The following KCNQ1OT1 variants were observed in gnomAD, a reference collection of about 807,000 sequenced individuals.
KCNQ1OT1 encodes KCNQ1 opposite strand/antisense transcript 1.
rs1849867369 is a variant in KCNQ1OT1 at position 2,657,329 on chromosome 11, T to C, written n.42666A>G. On this transcript the variant is annotated non_coding_transcript_exon_variant, in exon 1 of 1. Transcript: ENST00000597346. The surrounding 1 kb of genome is among the most constrained non-coding windows in gnomAD (Gnocchi z 4.8). ...AGATAATCTTTTCAGTATTGAGTCT[T>C]CTAGTCATTGGAATGAAGGCATATT... The C allele has an allele frequency of 2.5e-6, 1 of 398,530 alleles. No homozygotes were observed. Among genetic ancestry groups the C allele is most frequent in the Admixed American group, 4.4e-5 (1 of 22,720 alleles). The allele number at this position is 398,530 out of a possible 1,614,324, so 24.7% of individuals were successfully genotyped here. A position where few individuals can be genotyped will look rare whatever the true frequency, so the allele number is the denominator to read the frequency against.
At chr11:2,693,433 G>A (rs761179155) in exon 1 of KCNQ1OT1, 8 of 398,558 alleles carry the variant, frequency 2.0e-5, no homozygotes, top group Non-Finnish European at 3.1e-5. Flanking sequence ...TTTGCCAGGC[G>A]CTGGCCCCCC....
chr11:2,662,696 C>T (rs558746004), exon 1 of KCNQ1OT1: 65 of 402,642 alleles, frequency 1.6e-4, no homozygotes, highest in African/African-American at 1.1e-3. Flanking sequence ...CGGTGACAGC[C>T]GTGCAGCGGG....
exon 1 of KCNQ1OT1, chr11:2,680,852 A>C: frequency 2.5e-6 from 1 of 398,496 alleles, no homozygotes; most frequent in Non-Finnish European, 4.4e-6. Context: ...CTTTTCACTC[A>C]GCACAATTCC....
chr11:2,691,724 G>T lies in KCNQ1OT1; in HGVS notation n.8271C>A. 1 of 398,642 alleles carries T rather than the reference G, an allele frequency of 2.5e-6. No individual in the cohort carries two copies. Among genetic ancestry groups the T allele is most frequent in the South Asian group, 1.3e-4 (1 of 7,848 alleles). 24.7% of individuals were successfully genotyped at this position (398,642 alleles called of 1,614,324 possible). A position where few individuals can be genotyped will look rare whatever the true frequency, so the allele number is the denominator to read the frequency against. On this transcript the variant is annotated non_coding_transcript_exon_variant, in exon 1 of 1. Coordinates refer to ENST00000597346, the Ensembl canonical transcript of KCNQ1OT1. The surrounding 1 kb of genome is among the most constrained non-coding windows in gnomAD (Gnocchi z 6.4). Reference sequence around the variant, plus strand: ...CTGTCCAGGGGAGAGGCAGCCCACAGGGAGCCACACAGGCAGGGGACATTC... The same window carrying T: ...CTGTCCAGGGGAGAGGCAGCCCACATGGAGCCACACAGGCAGGGGACATTC...
chr11:2,627,663 T>G lies in KCNQ1OT1; in HGVS notation n.72332A>C. 1 of 398,628 alleles carries G rather than the reference T, an allele frequency of 2.5e-6. No homozygotes were observed. The highest frequency in any genetic ancestry group is 1.3e-4 in the South Asian group (1 of 7,852). The allele number at this position is 398,628 out of a possible 1,614,324, so 24.7% of individuals were successfully genotyped here. On this transcript the variant is annotated non_coding_transcript_exon_variant, in exon 1 of 1. Coordinates refer to ENST00000597346, the Ensembl canonical transcript of KCNQ1OT1. The surrounding 1 kb of genome is among the most constrained non-coding windows in gnomAD (Gnocchi z 4.9). Reference sequence around the variant, plus strand: ...TTTAAAGGATGAATATTTCATTGTGTGTGTGTATATATGTGTGTGTGTGTG... The same window carrying G: ...TTTAAAGGATGAATATTTCATTGTGGGTGTGTATATATGTGTGTGTGTGTG...
In KCNQ1OT1 at chr11:2,617,216, T is replaced by C. The variant is rs537482207; in HGVS notation, n.82779A>G. 1 of 398,424 alleles carries C rather than the reference T, an allele frequency of 2.5e-6. No individual in the cohort carries two copies. The highest frequency in any genetic ancestry group is 2.1e-5 in the African/African-American group (1 of 48,738). The allele number at this position is 398,424 out of a possible 1,614,324, so 24.7% of individuals were successfully genotyped here. On this transcript the variant is annotated non_coding_transcript_exon_variant, in exon 1 of 1. Transcript: ENST00000597346. The surrounding 1 kb of genome is among the most constrained non-coding windows in gnomAD (Gnocchi z 4.6). ...GCTACTTGGTATCCTTTGACCTACA[T>C]CTTTCCATTTTCTTCCCCCACACCT...
exon 1 of KCNQ1OT1, chr11:2,629,213 T>A (rs376087860): frequency 2.0e-5 from 8 of 398,286 alleles, no homozygotes; most frequent in Non-Finnish European, 3.1e-5. Flanking sequence ...ATTTATTCTA[T>A]TGATCTATGA....
rs1355352696 is a variant in KCNQ1OT1 at position 2,611,593 on chromosome 11, A to G, written n.88402T>C. Reference sequence around the variant, plus strand: ...ATCTTTTTCCATCATTTTACTTTCAACTATGTCTTTGAATCTAGAATGTGA... The same window carrying G: ...ATCTTTTTCCATCATTTTACTTTCAGCTATGTCTTTGAATCTAGAATGTGA... On this transcript the variant is annotated non_coding_transcript_exon_variant, in exon 1 of 1. Coordinates refer to ENST00000597346, the Ensembl canonical transcript of KCNQ1OT1. This position sits in a 1 kb window ranked among gnomAD's most constrained non-coding sequence, Gnocchi z 5.3. The G allele has an allele frequency of 1.8e-5, 7 of 398,230 alleles. No individual in the cohort carries two copies. The East Asian group carries it at 2.1e-4, about 12-fold the overall frequency. The allele number at this position is 398,230 out of a possible 1,614,324, so 24.7% of individuals were successfully genotyped here. A position where few individuals can be genotyped will look rare whatever the true frequency, so the allele number is the denominator to read the frequency against.
chr11:2,665,276 C>T, exon 1 of KCNQ1OT1: 1 of 398,516 alleles, frequency 2.5e-6, no homozygotes, highest in Non-Finnish European at 4.4e-6. Flanking sequence ...GAGCCTGTGT[C>T]TCCCACCCAG....
At chr11:2,689,609 G>A (rs1055388085) in exon 1 of KCNQ1OT1, 2 of 398,568 alleles carry the variant, frequency 5.0e-6, no homozygotes, top group African/African-American at 4.1e-5. Context: ...TCAAGGATCC[G>A]GGTATTTTAG....
rs1023052387 is a variant in KCNQ1OT1 at position 2,679,241 on chromosome 11, C to T, written n.20754G>A. 2 of 398,658 alleles carry T rather than the reference C, an allele frequency of 5.0e-6. No individual in the cohort carries two copies. Among genetic ancestry groups the T allele is most frequent in the Non-Finnish European group, 8.8e-6 (2 of 226,100 alleles). 24.7% of individuals were successfully genotyped at this position (398,658 alleles called of 1,614,324 possible). A position where few individuals can be genotyped will look rare whatever the true frequency, so the allele number is the denominator to read the frequency against. ...AAGCTGGTCCAGAGGACTACAGCTGCCTGTCCCACCCTTGGCTGTGCTCTC... is the reference window on the plus strand; with the variant it reads ...AAGCTGGTCCAGAGGACTACAGCTGTCTGTCCCACCCTTGGCTGTGCTCTC... On this transcript the variant is annotated non_coding_transcript_exon_variant, in exon 1 of 1. Transcript: ENST00000597346. The surrounding 1 kb of genome is among the most constrained non-coding windows in gnomAD (Gnocchi z 4.8).
chr11:2,682,663 C>A lies in KCNQ1OT1; in HGVS notation n.17332G>T, dbSNP rs925264332. On this transcript the variant is annotated non_coding_transcript_exon_variant, in exon 1 of 1. Coordinates refer to ENST00000597346, the Ensembl canonical transcript of KCNQ1OT1. The surrounding 1 kb of genome is among the most constrained non-coding windows in gnomAD (Gnocchi z 5.8). ...CCTGCTTCCCCAGGGCTCATGTCCACATGCTATTGTCCATAGAAGCTGGGG... is the reference window on the plus strand; with the variant it reads ...CCTGCTTCCCCAGGGCTCATGTCCAAATGCTATTGTCCATAGAAGCTGGGG... 1 of 398,660 alleles carries A rather than the reference C, an allele frequency of 2.5e-6. No homozygotes were observed. The highest frequency in any genetic ancestry group is 4.4e-6 in the Non-Finnish European group (1 of 226,096). The allele number at this position is 398,660 out of a possible 1,614,324, so 24.7% of individuals were successfully genotyped here.
rs538595238 is a variant in KCNQ1OT1, at chr11:2,673,982, G to T, written n.26013C>A. The stretch of plus-strand genomic sequence containing the variant: ...CCACAAGGGGATGCCCAGCATTGGG[G>T]GTGGGGTGGGGGGAGGGCCCTCCGT... On this transcript the variant is annotated non_coding_transcript_exon_variant, in exon 1 of 1. Transcript: ENST00000597346. The surrounding 1 kb of genome is among the most constrained non-coding windows in gnomAD (Gnocchi z 4.5). The T allele has an allele frequency of 2.3e-4, 41 of 177,770 alleles. 2 individuals are homozygous for T. In the South Asian group the frequency reaches 5.9e-3, roughly 26 times the overall value. 11.0% of individuals were successfully genotyped at this position (177,770 alleles called of 1,614,324 possible). A position where few individuals can be genotyped will look rare whatever the true frequency, so the allele number is the denominator to read the frequency against.
chr11:2,619,289 G>T (rs973600567), exon 1 of KCNQ1OT1: 1 of 398,308 alleles, frequency 2.5e-6, no homozygotes, highest in African/African-American at 2.1e-5. Context: ...TTCCCTCATT[G>T]ATTATAACGT....
In KCNQ1OT1 at chr11:2,617,210, C is replaced by T. The variant is rs1849081999; in HGVS notation, n.82785G>A. The T allele has an allele frequency of 1.0e-5, 4 of 398,186 alleles. No homozygotes were observed. Among genetic ancestry groups the T allele is most frequent in the African/African-American group, 4.1e-5 (2 of 48,578 alleles). 24.7% of individuals were successfully genotyped at this position (398,186 alleles called of 1,614,324 possible). A position where few individuals can be genotyped will look rare whatever the true frequency, so the allele number is the denominator to read the frequency against. ...ATATCTGCTACTTGGTATCCTTTGA[C>T]CTACATCTTTCCATTTTCTTCCCCC... is the stretch of plus-strand genomic sequence containing the variant. On this transcript the variant is annotated non_coding_transcript_exon_variant, in exon 1 of 1. Coordinates refer to ENST00000597346, the Ensembl canonical transcript of KCNQ1OT1. This position sits in a 1 kb window ranked among gnomAD's most constrained non-coding sequence, Gnocchi z 4.6.
chr11:2,646,855 T>A (rs1849673756), exon 1 of KCNQ1OT1: 5 of 398,552 alleles, frequency 1.3e-5, no homozygotes, highest in Admixed American at 4.4e-5. Flanking sequence ...TCCTGCAACT[T>A]TATTGAATTC....
At chr11:2,667,448 C>A in exon 1 of KCNQ1OT1, 1 of 398,728 alleles carries the variant, frequency 2.5e-6, no homozygotes, top group South Asian at 1.3e-4. Flanking sequence ...TGCTCAGGTC[C>A]TCAGCCAAGC....
Position 2,647,900 on chromosome 11 carries a change from T to C in KCNQ1OT1, n.52095A>G, listed in dbSNP as rs1222597457. On this transcript the variant is annotated non_coding_transcript_exon_variant, in exon 1 of 1. Coordinates refer to ENST00000597346, the Ensembl canonical transcript of KCNQ1OT1. The surrounding 1 kb of genome is among the most constrained non-coding windows in gnomAD (Gnocchi z 4.0). ...CTTGGTTAGTCTAGCTAATGGTTTA[T>C]TGATTTTCTCTTTTCAAAAAATCAG... The C allele has an allele frequency of 2.5e-6, 1 of 398,410 alleles. No homozygotes were observed. The highest frequency in any genetic ancestry group is 4.4e-6 in the Non-Finnish European group (1 of 226,064). The allele number at this position is 398,410 out of a possible 1,614,324, so 24.7% of individuals were successfully genotyped here.
In KCNQ1OT1 at chr11:2,690,583, C is replaced by T. The variant is rs1225386423; in HGVS notation, n.9412G>A. On this transcript the variant is annotated non_coding_transcript_exon_variant, in exon 1 of 1. Coordinates refer to ENST00000597346, the Ensembl canonical transcript of KCNQ1OT1. The surrounding 1 kb of genome is among the most constrained non-coding windows in gnomAD (Gnocchi z 5.1). ...ATGTCAAAGATGGGACAGAACCCAC[C>T]TCCTGGCAGGGAGTGGGGCACACAT... is the stretch of plus-strand genomic sequence containing the variant. The T allele has an allele frequency of 2.5e-6, 1 of 398,574 alleles. No individual in the cohort carries two copies. The highest frequency in any genetic ancestry group is 2.1e-5 in the African/African-American group (1 of 48,634). The allele number at this position is 398,574 out of a possible 1,614,324, so 24.7% of individuals were successfully genotyped here.
Sources: gnomAD v4.1 joint callset for allele counts on GRCh38, gnomAD v4.1.1 for gene constraint, Gnocchi (gnomAD v3.1) non-coding constraint, MANE v1.5 for transcripts, NCBI Gene and HGNC (gene_info 2026-07-23, HGNC 2026-07-21) for gene names.